Variants in ABCC1 observed in about 807,000 individuals in gnomAD.
The protein encoded by ABCC1 is multidrug resistance-associated protein 1.
Under a neutral mutation model 172.9 loss-of-function variants are expected in ABCC1, and 83 were observed. The ratio of observed to expected loss-of-function variants is 0.48; its 90% CI spans 0.40 to 0.58. ABCC1 has a LOEUF of 0.58. ABCC1 is among the 20% of genes least tolerant of loss of function. The probability of loss-of-function intolerance (pLI) is 0.00; values close to 1 mark genes in which losing one functional copy is unlikely to be tolerated. For missense variants in ABCC1, 1,817 were observed against 2,002.7 expected (o/e 0.91, Z 1.77); for synonymous variants, 937 against 825.2 (o/e 1.14, Z -2.32).
At position 16,138,594 on chromosome 16, in the gene ABCC1, G is replaced by A. The variant is rs766194992; in HGVS notation, c.4487+36G>A. 8.0e-6 allele frequency: 12 copies of A among 1,492,548 alleles called. No homozygotes were observed. In the African/African-American group the frequency reaches 1.7e-4, roughly 21 times the overall value. The allele number at this position is 1,492,548 out of a possible 1,614,324, so 92.5% of individuals were successfully genotyped here. On this transcript the variant is annotated intron_variant, in intron 30 of 30. Transcript: ENST00000399410. ...TGGCACAGTGGCCTCTAGGCTTTGGGAGTTTGCCTTACTCACTGGCTCACT... is the reference window on the plus strand; with the variant it reads ...TGGCACAGTGGCCTCTAGGCTTTGGAAGTTTGCCTTACTCACTGGCTCACT...
chr16:16,027,705 T>C (rs981293591), intron 5 of ABCC1, among the ~76,000 whole-genome samples: 14 of 151,992 alleles, frequency 9.2e-5, no homozygotes, highest in African/African-American at 3.4e-4. Flanking sequence ...CCCAGCTACC[T>C]GGGGGGCTGA....
intron 1 of ABCC1, among the ~76,000 whole-genome samples, chr16:16,002,919 C>T: frequency 6.6e-6 from 1 of 152,298 alleles, no homozygotes; most frequent in South Asian, 2.1e-4. Flanking sequence ...GCAATGGTAG[C>T]TTGCCTGTAG....
chr16:16,030,428 G>GGCGGGAGGATCACTTGAAC (rs1163832901), intron 5 of ABCC1, among the ~76,000 whole-genome samples: 1 of 152,160 alleles, frequency 6.6e-6, no homozygotes, highest in East Asian at 1.9e-4. Flanking sequence ...AGGAGGCCGA[G>GGCGGGAGGATCACTTGAAC]GCGGGAGGAT....
At chr16:16,040,782 C>T (rs2048946259) in intron 7 of ABCC1, among the ~76,000 whole-genome samples, 1 of 151,986 alleles carries the variant, frequency 6.6e-6, no homozygotes, top group Non-Finnish European at 1.5e-5. Flanking sequence ...GCCACCACAC[C>T]CAGCTGAGTT....
At chr16:16,118,274 G>T (rs1350335857) in intron 23 of ABCC1, among the ~76,000 whole-genome samples, 1 of 152,132 alleles carries the variant, frequency 6.6e-6, no homozygotes, top group Non-Finnish European at 1.5e-5. Flanking sequence ...AGCTGTTCAG[G>T]TGGCATCCAG....
At chr16:16,089,338 G>T (rs1188298252) in intron 18 of ABCC1, among the ~76,000 whole-genome samples, 1 of 152,122 alleles carries the variant, frequency 6.6e-6, no homozygotes, top group Non-Finnish European at 1.5e-5. Context: ...CTTCAGTTCA[G>T]GAGTTCAAGA....
chr16:16,088,137 G>GTGTA (rs879442203), intron 18 of ABCC1, among the ~76,000 whole-genome samples: 6 of 126,672 alleles, frequency 4.7e-5, no homozygotes, highest in Non-Finnish European at 1.2e-4. Context: ...GTGTGTGTGT[G>GTGTA]TGTGTGTGTG....
chr16:16,106,940 C>G, intron 21 of ABCC1, 67 bp downstream of exon 21: 2 of 1,599,002 alleles, frequency 1.3e-6, no homozygotes, highest in Non-Finnish European at 1.7e-6. Context: ...GCACTGGGCA[C>G]TGTGCAAAGT....
At chr16:15,959,872 C>T (rs4148333) in intron 1 of ABCC1, among the ~76,000 whole-genome samples, 88,309 of 151,850 alleles carry the variant, frequency 0.58, 26,197 homozygotes, top group Non-Finnish European at 0.65. Flanking sequence ...TTCTCTTCCT[C>T]TCTGTGAGTT....
intron 26 of ABCC1, among the ~76,000 whole-genome samples, chr16:16,129,068 C>T (rs963455885): frequency 6.6e-6 from 1 of 152,190 alleles, no homozygotes; most frequent in African/African-American, 2.4e-5. Context: ...CCTCTCCTCT[C>T]CAGAGAGAGG....
intron 1 of ABCC1, among the ~76,000 whole-genome samples, chr16:15,975,981 A>G (rs977716927): frequency 6.6e-6 from 1 of 152,100 alleles, no homozygotes; most frequent in Non-Finnish European, 1.5e-5. Context: ...AGAACTCAAC[A>G]GAGGCCAGAC....
At chr16:16,057,354 G>A (rs1420639558) in intron 12 of ABCC1, among the ~76,000 whole-genome samples, 1 of 147,172 alleles carries the variant, frequency 6.8e-6, no homozygotes, top group African/African-American at 2.5e-5. Flanking sequence ...GCAAGACCCT[G>A]TCTCAAAAAA....
Position 16,051,266 on chromosome 16 carries a change from C to T in ABCC1, c.1381-1458C>T, listed in dbSNP as rs1427708525. 2.0e-5 allele frequency among the ~76,000 whole-genome samples: 3 copies of T among 151,768 alleles called. 1 individual carries two copies. Among genetic ancestry groups the T allele is most frequent in the African/African-American group, 4.8e-5 (2 of 41,308 alleles). On this transcript the variant is annotated intron_variant, in intron 10 of 30. Transcript: ENST00000399410. ...CTCACTGCAGCCTTGAATTCTTGGC[C>T]TCAAGCAGTCTTCCCACTTTGTCAT...
chr16:16,093,979 C>CTTTTTTTTTTTTTT (rs578261751), intron 19 of ABCC1, among the ~76,000 whole-genome samples: 2 of 106,658 alleles, frequency 1.9e-5, no homozygotes, highest in African/African-American at 4.0e-5. Context: ...TCCCTCTCTC[C>CTTTTTTTTTTTTTT]TTTTTTTTTT....
At chr16:16,040,354 C>G (rs1395336366) in intron 7 of ABCC1, among the ~76,000 whole-genome samples, 4 of 152,010 alleles carry the variant, frequency 2.6e-5, no homozygotes, top group Admixed American at 6.6e-5. Context: ...GTGGTGCTGT[C>G]TTGGCTCACT....
At chr16:15,974,841 C>T (rs190023080) in intron 1 of ABCC1, among the ~76,000 whole-genome samples, 7 of 152,288 alleles carry the variant, frequency 4.6e-5, no homozygotes, top group Admixed American at 2.0e-4. Context: ...GGCTGGACTG[C>T]GGTGGCATGA....
At chr16:16,064,820 C>G (rs1354567668) in intron 12 of ABCC1, among the ~76,000 whole-genome samples, 4 of 152,218 alleles carry the variant, frequency 2.6e-5, no homozygotes, top group African/African-American at 9.6e-5. Context: ...AGGTAATAAT[C>G]TCCAGTCATG....
chr16:16,099,330 C>T (rs1378603138), intron 19 of ABCC1, among the ~76,000 whole-genome samples: 1 of 152,192 alleles, frequency 6.6e-6, no homozygotes, highest in East Asian at 1.9e-4. Context: ...TGATCAGCGC[C>T]TGTTGGGGAA....
intron 1 of ABCC1, among the ~76,000 whole-genome samples, chr16:15,994,776 T>C (rs1162793216): frequency 6.6e-6 from 1 of 151,808 alleles, no homozygotes; most frequent in Non-Finnish European, 1.5e-5. Context: ...CTTTTCTTTT[T>C]TTTGCAATAT....
Sources: gnomAD v4.1 joint callset for allele counts (sites outside exome capture counted in the v4.1 genomes callset) on GRCh38, gnomAD v4.1.1 for gene constraint, MANE v1.5 for transcripts, NCBI Gene and HGNC (gene_info 2026-07-23, HGNC 2026-07-21) for gene names.